The following GFRA1 variants were observed in gnomAD, a reference collection of about 807,000 sequenced individuals.
The protein encoded by GFRA1 is GDNF family receptor alpha-1.
A neutral mutation model predicts 51.6 loss-of-function variants in GFRA1; 16 were observed. That is an observed-to-expected ratio of 0.31 (90% CI 0.21 to 0.47). The LOEUF is 0.47. Among genes scored for constraint, GFRA1 ranks in the 20% least tolerant of loss-of-function variants. GFRA1 has a pLI of 1.00. For synonymous variants in GFRA1, 270 were observed against 241.3 expected, an observed-to-expected ratio of 1.12 and a Z score of -1.10; for missense variants, 530 against 594.3, an observed-to-expected ratio of 0.89 and a Z score of 1.13.
chr10:116,114,318 C>T (rs1957327443), intron 6 of GFRA1, among the ~76,000 whole-genome samples: 1 of 152,194 alleles, frequency 6.6e-6, no homozygotes, highest in South Asian at 2.1e-4. Context: ...TCACATCTTA[C>T]TGTGTATCTG....
At chr10:116,175,153 G>A (rs1961460080) in intron 5 of GFRA1, among the ~76,000 whole-genome samples, 2 of 152,158 alleles carry the variant, frequency 1.3e-5, no homozygotes, top group South Asian at 2.1e-4. Context: ...CCAGGAAGAC[G>A]AAGGATGCAG....
At chr10:116,194,802 A>C (rs562757033) in intron 5 of GFRA1, among the ~76,000 whole-genome samples, 1 of 152,248 alleles carries the variant, frequency 6.6e-6, no homozygotes, top group Non-Finnish European at 1.5e-5. Flanking sequence ...CTTCATCTTA[A>C]TTCCCCACAC....
At chr10:116,078,538 G>T (rs549500295) in intron 9 of GFRA1, among the ~76,000 whole-genome samples, 2 of 152,264 alleles carry the variant, frequency 1.3e-5, no homozygotes, top group East Asian at 3.9e-4. Flanking sequence ...TGTAGTCTAG[G>T]TGAGGGGCCT....
chr10:116,113,184 ATT>A lies in GFRA1; in HGVS notation c.770+12035_770+12036del, dbSNP rs5788134. On this transcript the variant is annotated intron_variant, in intron 6 of 10. Transcript: ENST00000355422. ...AAAAACAATGCCACACTTCTCCCTAATTTTTTTTTTTTTGGAAAATATAGTGA... is the reference window on the plus strand; with the variant it reads ...AAAAACAATGCCACACTTCTCCCTAATTTTTTTTTTTGGAAAATATAGTGA... Among the ~76,000 whole-genome samples, 4 of 148,388 alleles carry A rather than the reference ATT, an allele frequency of 2.7e-5. No homozygotes were observed. The South Asian group carries it at 6.3e-4, about 24-fold the overall frequency.
In GFRA1 at chr10:116,063,499, A is replaced by G. The variant is rs1210616242; in HGVS notation, c.*899T>C. 1.3e-5 allele frequency: 2 copies of G among 152,232 alleles called. No individual in the cohort carries two copies. The highest frequency in any genetic ancestry group is 2.4e-5 in the African/African-American group (1 of 41,460). 9.4% of individuals were successfully genotyped at this position (152,232 alleles called of 1,614,324 possible). The stretch of plus-strand genomic sequence containing the variant: ...AAACCATCAGTAAAAAAATGAGACA[A>G]TATCATTACTTTCAAAATATAGAAA... On this transcript the variant is annotated 3_prime_UTR_variant, in exon 11 of 11. Transcript: ENST00000355422.
At chr10:116,079,549 G>A (rs1565558518) in intron 9 of GFRA1, among the ~76,000 whole-genome samples, 1 of 152,050 alleles carries the variant, frequency 6.6e-6, no homozygotes. Flanking sequence ...AAGCAGGTGC[G>A]CTTCTGCCCC....
intron 4 of GFRA1, among the ~76,000 whole-genome samples, chr10:116,222,811 G>A (rs1775716430): frequency 6.6e-6 from 1 of 152,094 alleles, no homozygotes; most frequent in Non-Finnish European, 1.5e-5. Context: ...ATATCCACAA[G>A]TTTTGCATCC....
intron 4 of GFRA1, among the ~76,000 whole-genome samples, chr10:116,262,388 AAAT>A (rs777452452): frequency 1.3e-5 from 2 of 152,216 alleles, no homozygotes; most frequent in Non-Finnish European, 2.9e-5. Context: ...CATTTAATCT[AAAT>A]AATAAAATCT....
At chr10:116,168,429 C>T (rs1960706443) in intron 5 of GFRA1, among the ~76,000 whole-genome samples, 1 of 152,166 alleles carries the variant, frequency 6.6e-6, no homozygotes, top group Admixed American at 6.5e-5. Flanking sequence ...GTTTCCATAG[C>T]ATGTGTAAAC....
At chr10:116,097,471 G>A (rs759282967) in intron 6 of GFRA1, among the ~76,000 whole-genome samples, 6 of 152,176 alleles carry the variant, frequency 3.9e-5, no homozygotes, top group Admixed American at 6.5e-5. Context: ...TCCAGGGGCC[G>A]GTGCAGTCCA....
rs1954733083 is a variant in GFRA1 at position 116,060,104 on chromosome 10, A to C, written c.*4294T>G. The C allele has an allele frequency of 6.6e-6, 1 of 152,158 alleles. No homozygotes were observed. Among genetic ancestry groups the C allele is most frequent in the Admixed American group, 6.5e-5 (1 of 15,280 alleles). The allele number at this position is 152,158 out of a possible 1,614,324, so 9.4% of individuals were successfully genotyped here. A position where few individuals can be genotyped will look rare whatever the true frequency, so the allele number is the denominator to read the frequency against. On this transcript the variant is annotated 3_prime_UTR_variant, in exon 11 of 11. Coordinates refer to ENST00000355422, the MANE Select transcript of GFRA1 (RefSeq NM_005264.8). Reference sequence around the variant, plus strand: ...ATCCCAGGACGGAGGGAGTGGAAAAAAACACAGATTTAAAGCCTCTGCAGT... The same window carrying C: ...ATCCCAGGACGGAGGGAGTGGAAAACAACACAGATTTAAAGCCTCTGCAGT...
chr10:116,126,637 G>A (rs1367534790), intron 5 of GFRA1, among the ~76,000 whole-genome samples: 2 of 152,212 alleles, frequency 1.3e-5, no homozygotes, highest in Non-Finnish European at 2.9e-5. Context: ...TGATTCTCTG[G>A]AGCGGGCAGG....
At chr10:116,083,100 C>T (rs569367519) in intron 9 of GFRA1, among the ~76,000 whole-genome samples, 1 of 152,302 alleles carries the variant, frequency 6.6e-6, no homozygotes, top group South Asian at 2.1e-4. Flanking sequence ...AGGAGGCGAG[C>T]CAGGATTCTC....
intron 6 of GFRA1, among the ~76,000 whole-genome samples, chr10:116,114,535 T>C (rs1458943651): frequency 6.6e-6 from 1 of 152,188 alleles, no homozygotes; most frequent in Non-Finnish European, 1.5e-5. Context: ...AATGGGAATC[T>C]GCCCCCTCAC....
chr10:116,091,496 C>T (rs374234126), intron 8 of GFRA1, among the ~76,000 whole-genome samples: 2 of 152,106 alleles, frequency 1.3e-5, no homozygotes, highest in Non-Finnish European at 2.9e-5. Flanking sequence ...GGTGAAGGTG[C>T]CATCTGAATA....
chr10:116,261,608 A>T (rs1324446112), intron 4 of GFRA1, among the ~76,000 whole-genome samples: 1 of 152,204 alleles, frequency 6.6e-6, no homozygotes, highest in Non-Finnish European at 1.5e-5. Flanking sequence ...ATTCTAGTTC[A>T]AAGTAAGGTA....
rs938950456 is a variant in GFRA1 at position 116,272,126 on chromosome 10, G to A, written c.-97C>T. 4 of 1,072,998 alleles carry A rather than the reference G, an allele frequency of 3.7e-6. No individual in the cohort carries two copies. The highest frequency in any genetic ancestry group is 5.2e-5 in the East Asian group (2 of 38,814). The allele number at this position is 1,072,998 out of a possible 1,614,324, so 66.5% of individuals were successfully genotyped here. On this transcript the variant is annotated 5_prime_UTR_variant, in exon 2 of 11. Coordinates refer to ENST00000355422, the MANE Select transcript of GFRA1 (RefSeq NM_005264.8). This position sits in a 1 kb window ranked among gnomAD's most constrained non-coding sequence, Gnocchi z 4.4. ...CTCAGCGTGCAGCGATCCCCGGACA[G>A]CTGTGCTGCTCTGGCCGCCCAAAGT...
chr10:116,271,925 G>A, intron 2 of GFRA1, 65 bp downstream of exon 2: 1 of 1,287,530 alleles, frequency 7.8e-7, no homozygotes. Flanking sequence ...GGCGGGGTGG[G>A]CTGCTGCAAG....
At chr10:116,206,805 T>G (rs1964808663) in intron 5 of GFRA1, among the ~76,000 whole-genome samples, 1 of 151,366 alleles carries the variant, frequency 6.6e-6, no homozygotes, top group Non-Finnish European at 1.5e-5. Flanking sequence ...GCTAATTTTT[T>G]GTATTTTTAG....
Sources: allele counts gnomAD v4.1 joint callset (sites outside exome capture counted in the v4.1 genomes callset), GRCh38; gene constraint gnomAD v4.1.1; non-coding constraint Gnocchi (gnomAD v3.1); transcripts MANE v1.5; gene names NCBI Gene and HGNC (gene_info 2026-07-23, HGNC 2026-07-21).